Variants in RAB11FIP4 observed in about 807,000 individuals in gnomAD.
RAB11FIP4 encodes rab11 family-interacting protein 4.
Under a neutral mutation model 74.3 loss-of-function variants are expected in RAB11FIP4, and 23 were observed. The ratio of observed to expected loss-of-function variants is 0.31; its 90% CI spans 0.22 to 0.44. The LOEUF is 0.44. Among genes scored for constraint, RAB11FIP4 ranks in the 20% least tolerant of loss-of-function variants. RAB11FIP4 has a pLI of 1.00. For synonymous variants in RAB11FIP4, 360 were observed against 359.9 expected (o/e 1.00, Z 0.00); for missense variants, 630 against 863.9 (o/e 0.73, Z 3.39).
intron 3 of RAB11FIP4, among the ~76,000 whole-genome samples, chr17:31,447,685 G>A (rs923672193): frequency 4.0e-5 from 6 of 151,636 alleles, no homozygotes; most frequent in African/African-American, 1.5e-4. Context: ...CCCATGCCCA[G>A]CAAATTTTTG....
intron 3 of RAB11FIP4, among the ~76,000 whole-genome samples, chr17:31,501,146 T>G (rs1298754914): frequency 6.6e-6 from 1 of 152,022 alleles, no homozygotes; most frequent in African/African-American, 2.4e-5. Context: ...TCTTAAGAAG[T>G]AGCAGTATTT....
chr17:31,449,292 A>C (rs1483353790), intron 3 of RAB11FIP4, among the ~76,000 whole-genome samples: 2 of 151,734 alleles, frequency 1.3e-5, no homozygotes, highest in Non-Finnish European at 2.9e-5. Context: ...GCCTTCACAA[A>C]CAGCCCCTCA....
intron 3 of RAB11FIP4, among the ~76,000 whole-genome samples, chr17:31,505,570 TA>T (rs1477951573): frequency 6.8e-5 from 6 of 87,896 alleles, no homozygotes; most frequent in African/African-American, 2.4e-4. Flanking sequence ...TTATAATATA[TA>T]ATAATATATA....
intron 3 of RAB11FIP4, among the ~76,000 whole-genome samples, chr17:31,438,434 C>T (rs997948937): frequency 2.0e-5 from 3 of 152,068 alleles, no homozygotes; most frequent in Non-Finnish European, 4.4e-5. Context: ...TGTCAGTAGC[C>T]TCCAACCCAG....
At chr17:31,472,693 G>T (rs895474628) in intron 3 of RAB11FIP4, among the ~76,000 whole-genome samples, 8 of 152,148 alleles carry the variant, frequency 5.3e-5, no homozygotes, top group South Asian at 4.1e-4. Flanking sequence ...TTTTCTCTAG[G>T]AAGAGGGCCT....
chr17:31,413,304 C>T (rs2071116213), intron 1 of RAB11FIP4, among the ~76,000 whole-genome samples: 1 of 152,126 alleles, frequency 6.6e-6, no homozygotes, highest in African/African-American at 2.4e-5. Context: ...TCCCATGTAA[C>T]CTTAAATAAT....
intron 3 of RAB11FIP4, among the ~76,000 whole-genome samples, chr17:31,503,715 G>A (rs1337007961): frequency 2.7e-5 from 4 of 149,762 alleles, no homozygotes; most frequent in East Asian, 3.8e-4. Flanking sequence ...AAGACTGCTC[G>A]TCGTTCTGTT....
chr17:31,431,929 G>A lies in RAB11FIP4; in HGVS notation c.247+29G>A. On this transcript the variant is annotated intron_variant, in intron 2 of 14. Coordinates refer to ENST00000621161, the MANE Select transcript of RAB11FIP4 (RefSeq NM_032932.6). ...AGGTCTTCCCGGGAGGCTTTCCCAG[G>A]CGCTCTCCGGTCCTGCCCAGCTGGG... 3.3e-6 allele frequency: 5 copies of A among 1,522,968 alleles called. No homozygotes were observed. In the South Asian group the frequency reaches 5.7e-5, roughly 17 times the overall value. The allele number at this position is 1,522,968 out of a possible 1,614,324, so 94.3% of individuals were successfully genotyped here.
chr17:31,440,747 C>T lies in RAB11FIP4; in HGVS notation c.336+6625C>T, dbSNP rs138733703. Among the ~76,000 whole-genome samples, 116 of 152,102 alleles carry T rather than the reference C, an allele frequency of 7.6e-4. 2 individuals are homozygous for T. In the East Asian group the frequency reaches 0.019, roughly 25 times the overall value. On this transcript the variant is annotated intron_variant, in intron 3 of 14. Transcript: ENST00000621161. ...TCACGCCATTGCGCTTAAGCCTTGG[C>T]GACAAAGTGAGACTCTGTCATACAC... is the stretch of plus-strand genomic sequence containing the variant.
chr17:31,530,415 C>G lies in RAB11FIP4; in HGVS notation c.1743C>G (p.Ala581=). The change falls in exon 14 of 15, where the codon GCC becomes GCG. Residue 581 remains alanine, a synonymous_variant. Transcript: ENST00000621161. ...SLYEAKNLFA[A]QTKAQSLAAE... The stretch of plus-strand genomic sequence containing the variant: ...ACGAAGCAAAAAACCTCTTTGCTGC[C>G]CAGACTAAAGCCCAGTCTCTGGCTG... 1.2e-6 allele frequency: 2 copies of G among 1,614,130 alleles called. No homozygotes were observed. The highest frequency in any genetic ancestry group is 8.5e-7 in the Non-Finnish European group (1 of 1,180,012).
At chr17:31,524,961 C>A in intron 9 of RAB11FIP4, 129 bp from the exon 10 acceptor site, 1 of 1,083,582 alleles carries the variant, frequency 9.2e-7, no homozygotes, top group Non-Finnish European at 1.4e-6. Flanking sequence ...CTGAAAGCTA[C>A]TGGCCCACAC....
chr17:31,515,243 C>T (rs1410541480), intron 3 of RAB11FIP4, among the ~76,000 whole-genome samples: 1 of 151,992 alleles, frequency 6.6e-6, no homozygotes, highest in Non-Finnish European at 1.5e-5. Context: ...GAAGAGCTTG[C>T]TTAGGGCACA....
At chr17:31,450,098 C>G (rs1436882739) in intron 3 of RAB11FIP4, among the ~76,000 whole-genome samples, 3 of 152,112 alleles carry the variant, frequency 2.0e-5, no homozygotes, top group Non-Finnish European at 4.4e-5. Context: ...ACTTATCCCT[C>G]CTCTAGAACT....
At chr17:31,530,587 A>T in intron 14 of RAB11FIP4, 118 bp downstream of exon 14, 1 of 1,324,166 alleles carries the variant, frequency 7.6e-7, no homozygotes, top group Non-Finnish European at 1.0e-6. Context: ...AGTCCCATCT[A>T]CAGCTACCCC....
chr17:31,459,350 A>T (rs1173733489), intron 3 of RAB11FIP4, among the ~76,000 whole-genome samples: 1 of 152,064 alleles, frequency 6.6e-6, no homozygotes, highest in Non-Finnish European at 1.5e-5. Context: ...ACTTATTCTC[A>T]TTTATAAAAT....
At chr17:31,488,086 CG>C in intron 3 of RAB11FIP4, 1 of 1,014,996 alleles carries the variant, frequency 9.9e-7, no homozygotes, top group Non-Finnish European at 1.2e-6. Flanking sequence ...CGGCAACGGG[CG>C]GGGGCGGGGC....
intron 1 of RAB11FIP4, among the ~76,000 whole-genome samples, chr17:31,414,027 G>A (rs895009651): frequency 2.0e-5 from 3 of 152,154 alleles, no homozygotes; most frequent in Non-Finnish European, 4.4e-5. Context: ...CATTTATCCC[G>A]AGCCTGCTCT....
intron 3 of RAB11FIP4, among the ~76,000 whole-genome samples, chr17:31,487,460 CT>C (rs543487006): frequency 3.6e-4 from 52 of 146,440 alleles, no homozygotes; most frequent in East Asian, 8.0e-4. Context: ...GGGTCCTCTC[CT>C]TTTTTTTTTT....
In RAB11FIP4 at chr17:31,459,473, G is replaced by A. The variant is rs118082528; in HGVS notation, c.336+25351G>A. ...CCACATCTGACACATCCTCAGTTCC[G>A]GTGAGCGTTTTATTATTATTATTAT... is the stretch of plus-strand genomic sequence containing the variant. On this transcript the variant is annotated intron_variant, in intron 3 of 14. Transcript: ENST00000621161. 3.6e-3 allele frequency among the ~76,000 whole-genome samples: 547 copies of A among 150,064 alleles called. 1 individual carries two copies. The highest frequency in any genetic ancestry group is 5.5e-3 in the Non-Finnish European group (367 of 67,174).
Sources: gnomAD v4.1 joint callset for allele counts (sites outside exome capture counted in the v4.1 genomes callset) on GRCh38, gnomAD v4.1.1 for gene constraint, MANE v1.5 for transcripts, NCBI Gene and HGNC (gene_info 2026-07-23, HGNC 2026-07-21) for gene names.